DAB1: variants seen among roughly 807,000 people sequenced by gnomAD.
The protein encoded by DAB1 is disabled homolog 1.
Under a neutral mutation model 64.6 loss-of-function variants are expected in DAB1, and 15 were observed. The ratio of observed to expected loss-of-function variants is 0.23; its 90% CI spans 0.16 to 0.36. The LOEUF (loss-of-function observed/expected upper bound fraction) is 0.36, where lower values mean the gene tolerates loss of function less well. Ranked by LOEUF, DAB1 falls within the 10% of genes least tolerant of loss-of-function variation. DAB1 has a pLI of 1.00. For missense variants in DAB1, 596 were observed against 706.7 expected, an observed-to-expected ratio of 0.84 and a Z score of 1.78; for synonymous variants, 235 against 251.9, an observed-to-expected ratio of 0.93 and a Z score of 0.64.
chr1:57,729,531 C>T (rs1323711777), intron 6 of DAB1, among the ~76,000 whole-genome samples: 1 of 152,232 alleles, frequency 6.6e-6, no homozygotes, highest in African/African-American at 2.4e-5. Context: ...TGAGAAGCCA[C>T]ATAAATGACA....
intron 5 of DAB1, among the ~76,000 whole-genome samples, chr1:58,007,598 T>C (rs551039967): frequency 1.2e-4 from 19 of 152,298 alleles, no homozygotes; most frequent in Non-Finnish European, 2.5e-4. Context: ...GGCATCATCC[T>C]TCCAGGAGAT....
intron 4 of DAB1, among the ~76,000 whole-genome samples, chr1:58,335,078 T>C (rs1663078600): frequency 6.6e-6 from 1 of 152,158 alleles, no homozygotes; most frequent in East Asian, 1.9e-4. Context: ...GCAGGGTAAG[T>C]AAGAGAATAT....
At chr1:58,529,829 A>G (rs1346816100) in intron 1 of DAB1, among the ~76,000 whole-genome samples, 4 of 152,222 alleles carry the variant, frequency 2.6e-5, no homozygotes, top group Non-Finnish European at 5.9e-5. Flanking sequence ...GAGATGATTT[A>G]AAGTATATGA....
intron 7 of DAB1, among the ~76,000 whole-genome samples, chr1:57,513,960 T>G (rs903280915): frequency 3.3e-5 from 5 of 152,358 alleles, no homozygotes; most frequent in Admixed American, 1.3e-4. Flanking sequence ...TGTCTTTCTG[T>G]GCCTGGCTTA....
intron 6 of DAB1, among the ~76,000 whole-genome samples, chr1:57,783,163 G>C (rs1650190133): frequency 7.3e-6 from 1 of 137,288 alleles, no homozygotes; most frequent in Admixed American, 7.6e-5. Context: ...AGGCTGGAGT[G>C]CAGTGGCATG....
chr1:57,557,220 A>G (rs879470970), intron 7 of DAB1, among the ~76,000 whole-genome samples: 2 of 152,096 alleles, frequency 1.3e-5, no homozygotes, highest in Non-Finnish European at 2.9e-5. Flanking sequence ...AGGCAAAAAT[A>G]TGTGAAAAGA....
At chr1:58,478,112 A>ATT (rs1293017105) in intron 3 of DAB1, among the ~76,000 whole-genome samples, 2 of 152,150 alleles carry the variant, frequency 1.3e-5, no homozygotes, top group African/African-American at 4.8e-5. Flanking sequence ...AAGGTAAGTG[A>ATT]TTGAATCATG....
intron 6 of DAB1, among the ~76,000 whole-genome samples, chr1:57,783,285 T>A (rs1650195635): frequency 6.6e-6 from 1 of 151,870 alleles, no homozygotes; most frequent in African/African-American, 2.4e-5. Context: ...AATTTTTTAT[T>A]ATTTGTAGAG....
At chr1:57,385,804 G>T (rs1028875243) in intron 1 of DAB1, among the ~76,000 whole-genome samples, 2 of 152,134 alleles carry the variant, frequency 1.3e-5, no homozygotes, top group Non-Finnish European at 2.9e-5. Context: ...AGAATGGCAA[G>T]GTACCATGGA....
At chr1:57,656,642 C>G (rs1055005746) in intron 6 of DAB1, among the ~76,000 whole-genome samples, 2 of 152,172 alleles carry the variant, frequency 1.3e-5, no homozygotes, top group Non-Finnish European at 2.9e-5. Flanking sequence ...ATAAGCTGTT[C>G]ATAGGTACTA....
chr1:58,099,650 AG>A (rs1228995783), intron 5 of DAB1, among the ~76,000 whole-genome samples: 1 of 152,218 alleles, frequency 6.6e-6, no homozygotes, highest in Non-Finnish European at 1.5e-5. Context: ...CTGGCACCAC[AG>A]GCTAAAAGTC....
At chr1:57,833,405 C>G (rs992156421) in intron 1 of DAB1, among the ~76,000 whole-genome samples, 5 of 152,140 alleles carry the variant, frequency 3.3e-5, no homozygotes, top group Admixed American at 2.6e-4. Flanking sequence ...ATAAAGGAAT[C>G]TTCCCTATAA....
intron 7 of DAB1, among the ~76,000 whole-genome samples, chr1:57,435,646 C>A (rs1321791577): frequency 6.6e-6 from 1 of 152,164 alleles, no homozygotes; most frequent in African/African-American, 2.4e-5. Flanking sequence ...TCTTCCACCT[C>A]CACATCTTGT....
chr1:58,084,600 G>GTTT (rs1570330913), intron 5 of DAB1: 1 of 159,736 alleles, frequency 6.3e-6, no homozygotes, highest in East Asian at 1.6e-4. Context: ...GGTGGTAAGG[G>GTTT]ACAGTGGAAA....
chr1:57,490,656 C>A (rs2793648), intron 7 of DAB1, among the ~76,000 whole-genome samples: 23,763 of 152,176 alleles, frequency 0.16, 4,570 homozygotes, highest in African/African-American at 0.45. Flanking sequence ...GACTACAGAA[C>A]TCACAAAGTT....
At chr1:58,435,331 TC>T (rs1260525630) in intron 3 of DAB1, among the ~76,000 whole-genome samples, 1 of 152,226 alleles carries the variant, frequency 6.6e-6, no homozygotes, top group Non-Finnish European at 1.5e-5. Flanking sequence ...TTGCTGATGT[TC>T]CATTCTCACC....
intron 6 of DAB1, among the ~76,000 whole-genome samples, chr1:57,794,231 G>A (rs1650736399): frequency 6.6e-6 from 1 of 152,148 alleles, no homozygotes; most frequent in Admixed American, 6.5e-5. Flanking sequence ...AACATCAGTG[G>A]AGAAGGAGGA....
At chr1:58,404,994 C>A (rs1644602908) in intron 3 of DAB1, among the ~76,000 whole-genome samples, 1 of 152,184 alleles carries the variant, frequency 6.6e-6, no homozygotes, top group South Asian at 2.1e-4. Context: ...TATTGAGCAT[C>A]CTAATCCCCT....
Position 57,906,827 on chromosome 1 carries a change from C to G in DAB1, n.388-22665G>C, listed in dbSNP as rs1179404458. The stretch of plus-strand genomic sequence containing the variant: ...TCTCGTTCTAAAATTCTGCCCTTCT[C>G]TTGGTGCTCAATAAATATTTGTGGA... On this transcript the variant is annotated intron_variant and non_coding_transcript_variant, in intron 5 of 20. Transcript: ENST00000485760. Among the ~76,000 whole-genome samples the G allele has an allele frequency of 2.6e-5, 4 of 152,088 alleles. No individual in the cohort carries two copies. The East Asian group carries it at 7.7e-4, about 29-fold the overall frequency.
Sources: allele counts gnomAD v4.1 joint callset (sites outside exome capture counted in the v4.1 genomes callset), GRCh38; gene constraint gnomAD v4.1.1; transcripts MANE v1.5; gene names NCBI Gene and HGNC (gene_info 2026-07-23, HGNC 2026-07-21).